Variants in TAFA1 observed in about 807,000 individuals in gnomAD.
The protein encoded by TAFA1 is TAFA chemokine like family member 1.
Under a neutral mutation model 18.5 loss-of-function variants are expected in TAFA1, and 4 were observed. That is an observed-to-expected ratio of 0.22 (90% CI 0.11 to 0.49). The LOEUF is 0.49. Among genes scored for constraint, TAFA1 ranks in the 20% least tolerant of loss-of-function variants. The pLI, the probability that TAFA1 is intolerant of heterozygous loss-of-function variation, is 0.98. For synonymous variants in TAFA1, 56 were observed against 55.2 expected, an observed-to-expected ratio of 1.01 and a Z score of -0.06; for missense variants, 147 against 169.0, an observed-to-expected ratio of 0.87 and a Z score of 0.72.
chr3:68,248,807 G>T (rs974946773), intron 2 of TAFA1, among the ~76,000 whole-genome samples: 3 of 151,786 alleles, frequency 2.0e-5, no homozygotes, highest in Non-Finnish European at 4.4e-5. Context: ...TTAGGGGAGG[G>T]TGTTAAGTAA....
At chr3:68,332,312 C>G (rs973497602) in intron 2 of TAFA1, among the ~76,000 whole-genome samples, 1 of 151,866 alleles carries the variant, frequency 6.6e-6, no homozygotes, top group Non-Finnish European at 1.5e-5. Flanking sequence ...CATAAAACTC[C>G]TAGGAGAAAA....
chr3:68,074,606 T>C (rs1324295032), intron 2 of TAFA1, among the ~76,000 whole-genome samples: 1 of 152,208 alleles, frequency 6.6e-6, no homozygotes, highest in Non-Finnish European at 1.5e-5. Flanking sequence ...TGACAAAACT[T>C]GTAACCCTGA....
At chr3:68,142,808 G>C (rs780419156) in intron 2 of TAFA1, among the ~76,000 whole-genome samples, 4 of 152,106 alleles carry the variant, frequency 2.6e-5, no homozygotes, top group Non-Finnish European at 5.9e-5. Flanking sequence ...GGAGCAGACC[G>C]GTGCATAATT....
intron 2 of TAFA1, among the ~76,000 whole-genome samples, chr3:68,088,965 A>C (rs943344220): frequency 2.6e-5 from 4 of 152,112 alleles, no homozygotes; most frequent in African/African-American, 9.7e-5. Flanking sequence ...GGAGATGTTC[A>C]ATATAACTCT....
chr3:68,396,376 C>T (rs541879197), intron 2 of TAFA1, among the ~76,000 whole-genome samples: 1 of 152,288 alleles, frequency 6.6e-6, no homozygotes, highest in South Asian at 2.1e-4. Context: ...GGTGTCCCTT[C>T]TCTGTCTCTA....
Position 68,378,547 on chromosome 3 carries a change from T to C in TAFA1, c.119-38733T>C, listed in dbSNP as rs2069865964. Among the ~76,000 whole-genome samples the C allele has an allele frequency of 2.0e-5, 3 of 152,096 alleles. No homozygotes were observed. The South Asian group carries it at 6.2e-4, about 32-fold the overall frequency. The stretch of plus-strand genomic sequence containing the variant: ...CTCGGATGAGACTTTGGACTGTGGA[T>C]CTTCGAATTAATGCAGGAATGAGTT... On this transcript the variant is annotated intron_variant, in intron 2 of 4. Transcript: ENST00000478136.
chr3:68,019,157 A>G (rs1704627966), intron 2 of TAFA1, among the ~76,000 whole-genome samples: 1 of 152,364 alleles, frequency 6.6e-6, no homozygotes, highest in African/African-American at 2.4e-5. Context: ...GTTCTACATT[A>G]GCCAGGCATC....
At position 68,499,446 on chromosome 3, in the gene TAFA1, C is replaced by CTTTTTTT. The variant is rs752597708; in HGVS notation, c.260-39298_260-39292dup. 1.6e-3 allele frequency among the ~76,000 whole-genome samples: 175 copies of CTTTTTTT among 112,042 alleles called. 1 individual carries two copies. Among genetic ancestry groups the CTTTTTTT allele is most frequent in the East Asian group, 4.2e-3 (17 of 4,014 alleles). The allele number at this position is 112,042 out of a possible 152,430, so 73.5% of individuals were successfully genotyped here. ...GTTTTCTTTCTTTCTGTGTTCCTTT[C>CTTTTTTT]TTTTTTTTTTTTTTTTTTGAGAAGA... On this transcript the variant is annotated intron_variant, in intron 3 of 4. Coordinates refer to ENST00000478136, the MANE Select transcript of TAFA1 (RefSeq NM_213609.4).
chr3:68,356,660 T>C (rs755009315), intron 2 of TAFA1, among the ~76,000 whole-genome samples: 31 of 151,824 alleles, frequency 2.0e-4, no homozygotes, highest in Non-Finnish European at 4.3e-4. Flanking sequence ...CTTAGAGAGA[T>C]TATATGATTT....
At chr3:68,502,072 G>A (rs1326130916) in intron 3 of TAFA1, among the ~76,000 whole-genome samples, 2 of 152,130 alleles carry the variant, frequency 1.3e-5, no homozygotes, top group African/African-American at 4.8e-5. Context: ...TTGGCAAAGT[G>A]AGAAAACCTT....
At chr3:68,524,935 T>G (rs948674511) in intron 3 of TAFA1, among the ~76,000 whole-genome samples, 1 of 152,192 alleles carries the variant, frequency 6.6e-6, no homozygotes, top group Non-Finnish European at 1.5e-5. Context: ...CCTCCCAAAG[T>G]GCTGGGATTA....
intron 2 of TAFA1, among the ~76,000 whole-genome samples, chr3:68,210,467 C>A (rs2066582074): frequency 2.0e-5 from 3 of 152,030 alleles, no homozygotes; most frequent in Admixed American, 6.6e-5. Flanking sequence ...CCAAAGGGAT[C>A]ATATCCTCCA....
intron 2 of TAFA1, among the ~76,000 whole-genome samples, chr3:68,055,824 G>A (rs1306238447): frequency 6.6e-6 from 1 of 151,974 alleles, no homozygotes; most frequent in Non-Finnish European, 1.5e-5. Context: ...TGTTGGCTGG[G>A]GCTGTTGCTT....
chr3:68,373,276 A>AT (rs1378761266), intron 2 of TAFA1, among the ~76,000 whole-genome samples: 2 of 152,186 alleles, frequency 1.3e-5, no homozygotes, highest in Non-Finnish European at 2.9e-5. Flanking sequence ...GTTATTTCTT[A>AT]TTTTTTAATT....
intron 3 of TAFA1, among the ~76,000 whole-genome samples, chr3:68,487,372 GTTAA>G (rs2072363540): frequency 1.3e-5 from 2 of 152,288 alleles, no homozygotes; most frequent in Admixed American, 1.3e-4. Flanking sequence ...TTCACAGCAA[GTTAA>G]TTATGTTTTA....
rs143660482 is a variant in TAFA1 at position 68,035,459 on chromosome 3, T to C, written c.118+28715T>C. 4.2e-3 allele frequency among the ~76,000 whole-genome samples: 643 copies of C among 152,302 alleles called. 5 individuals are homozygous for C. The highest frequency in any genetic ancestry group is 0.015 in the African/African-American group (625 of 41,560). On this transcript the variant is annotated intron_variant, in intron 2 of 4. Transcript: ENST00000478136. ...CTTATTTTATAACATTATACATGATTATTATCTGTTTAAGATCTCACCTTC... is the reference window on the plus strand; with the variant it reads ...CTTATTTTATAACATTATACATGATCATTATCTGTTTAAGATCTCACCTTC...
chr3:68,459,123 A>C (rs2071725367), intron 3 of TAFA1, among the ~76,000 whole-genome samples: 1 of 152,166 alleles, frequency 6.6e-6, no homozygotes, highest in Non-Finnish European at 1.5e-5. Flanking sequence ...CATTGAGTGC[A>C]GGGTGCTCCC....
chr3:68,490,063 A>G lies in TAFA1; in HGVS notation c.260-48693A>G, dbSNP rs554463320. On this transcript the variant is annotated intron_variant, in intron 3 of 4. Coordinates refer to ENST00000478136, the MANE Select transcript of TAFA1 (RefSeq NM_213609.4). The stretch of plus-strand genomic sequence containing the variant: ...ACCAATAGCATTTGTTGCCAATGAT[A>G]GAGCTCAAGCTTTCAAGTGAAAAAT... Among the ~76,000 whole-genome samples, 23 of 152,356 alleles carry G rather than the reference A, an allele frequency of 1.5e-4. No individual in the cohort carries two copies. The South Asian group carries it at 4.8e-3, about 32-fold the overall frequency.
chr3:68,099,769 G>C (rs557994233), intron 2 of TAFA1, among the ~76,000 whole-genome samples: 1 of 152,174 alleles, frequency 6.6e-6, no homozygotes, highest in Admixed American at 6.5e-5. Context: ...AGAATGGATT[G>C]GACAAAGAAA....
Sources: allele counts gnomAD v4.1 joint callset (sites outside exome capture counted in the v4.1 genomes callset), GRCh38; gene constraint gnomAD v4.1.1; transcripts MANE v1.5; gene names NCBI Gene and HGNC (gene_info 2026-07-23, HGNC 2026-07-21).